Variants in APBB2 observed in about 807,000 individuals in gnomAD.
APBB2 encodes amyloid beta precursor protein binding family B member 2, also known as Fe65-like 1.
A neutral mutation model predicts 82.5 loss-of-function variants in APBB2; 38 were observed. The observed-to-expected ratio is 0.46, with a 90% CI of 0.36 to 0.60. APBB2 has a LOEUF of 0.60. APBB2 is among the 20% of genes least tolerant of loss of function. APBB2 has a pLI of 0.00. For missense variants in APBB2, 772 were observed against 972.3 expected (o/e 0.79, Z 2.74); for synonymous variants, 341 against 368.2 (o/e 0.93, Z 0.85).
intron 12 of APBB2, among the ~76,000 whole-genome samples, chr4:40,863,022 A>G (rs1370367367): frequency 6.6e-6 from 1 of 152,162 alleles, no homozygotes; most frequent in African/African-American, 2.4e-5. Flanking sequence ...TTTCCAGAGA[A>G]GGGGACTGGT....
At chr4:41,024,732 T>C in intron 5 of APBB2, among the ~76,000 whole-genome samples, 1 of 152,224 alleles carries the variant, frequency 6.6e-6, no homozygotes. Flanking sequence ...ACTTGAGTAT[T>C]CTGTTTTTAT....
At chr4:40,830,413 C>G (rs780502458) in intron 13 of APBB2, 50 bp downstream of exon 13, 1 of 1,317,370 alleles carries the variant, frequency 7.6e-7, no homozygotes, top group Non-Finnish European at 1.1e-6. Context: ...TCCTTTTATG[C>G]AGCAAGAAAA....
intron 4 of APBB2, among the ~76,000 whole-genome samples, chr4:41,043,834 C>T (rs1722406784): frequency 6.6e-6 from 1 of 152,072 alleles, no homozygotes; most frequent in African/African-American, 2.4e-5. Context: ...TTTTCTTTTC[C>T]TTACAACTTA....
chr4:41,163,150 G>A (rs1324924532), intron 1 of APBB2, among the ~76,000 whole-genome samples: 1 of 152,240 alleles, frequency 6.6e-6, no homozygotes, highest in Non-Finnish European at 1.5e-5. Context: ...ATAGAGGACA[G>A]CTTGGGTAAT....
At chr4:40,975,498 C>T (rs1250299082) in intron 6 of APBB2, among the ~76,000 whole-genome samples, 6 of 152,126 alleles carry the variant, frequency 3.9e-5, no homozygotes, top group African/African-American at 1.2e-4. Flanking sequence ...AGAATTTCAG[C>T]TCCTTGAGGC....
chr4:40,813,032 C>G lies in APBB2; in HGVS notation c.*3060G>C, dbSNP rs1025018999. The G allele has an allele frequency of 6.6e-6, 1 of 152,208 alleles. No homozygotes were observed. The highest frequency in any genetic ancestry group is 6.5e-5 in the Admixed American group (1 of 15,274). The allele number at this position is 152,208 out of a possible 1,614,324, so 9.4% of individuals were successfully genotyped here. On this transcript the variant is annotated 3_prime_UTR_variant, in exon 18 of 18. Coordinates refer to ENST00000508593, the MANE Select transcript of APBB2 (RefSeq NM_004307.2). ...GCCATAGGCATGTTGGCTAGTCGTT[C>G]CCCTTGATGTTGCCAAGGAGCAGAT...
intron 1 of APBB2, among the ~76,000 whole-genome samples, chr4:41,180,365 G>A (rs1465204473): frequency 6.6e-6 from 1 of 152,208 alleles, no homozygotes; most frequent in Non-Finnish European, 1.5e-5. Context: ...AGCCCCATGG[G>A]AGGGGGAGAC....
intron 4 of APBB2, among the ~76,000 whole-genome samples, chr4:41,052,830 G>C (rs1026522443): frequency 1.1e-4 from 17 of 150,040 alleles, no homozygotes; most frequent in African/African-American, 3.7e-4. Context: ...GCAGTGGCGT[G>C]ATCTCGGCTT....
chr4:40,932,621 C>A (rs747573959), intron 10 of APBB2, among the ~76,000 whole-genome samples: 8 of 152,174 alleles, frequency 5.3e-5, no homozygotes, highest in Non-Finnish European at 1.2e-4. Flanking sequence ...TGGGAAGATT[C>A]TTTCTCTCTC....
chr4:41,054,291 T>A (rs1374389892), intron 4 of APBB2, among the ~76,000 whole-genome samples: 2 of 152,140 alleles, frequency 1.3e-5, no homozygotes, highest in Admixed American at 6.5e-5. Context: ...CTCACTCCCA[T>A]CCCAGTGGAC....
At chr4:41,157,683 T>C (rs190603482) in intron 1 of APBB2, among the ~76,000 whole-genome samples, 5 of 152,322 alleles carry the variant, frequency 3.3e-5, no homozygotes, top group Non-Finnish European at 5.9e-5. Context: ...CAAATTTCCA[T>C]GGCTCTTAGC....
Position 41,176,439 on chromosome 4 carries a change from C to T in APBB2, c.-416-33297G>A, listed in dbSNP as rs1437340908. On this transcript the variant is annotated intron_variant, in intron 1 of 17. Coordinates refer to ENST00000508593, the MANE Select transcript of APBB2 (RefSeq NM_004307.2). ...AGAGGACAAGCTGGGTTACATTAGA[C>T]AGAAAGCATACTTCCAGCTTCTTCC... 3.3e-5 allele frequency among the ~76,000 whole-genome samples: 5 copies of T among 152,146 alleles called. No individual in the cohort carries two copies. The East Asian group carries it at 9.6e-4, about 29-fold the overall frequency.
chr4:40,846,862 T>A (rs917247693), intron 12 of APBB2, among the ~76,000 whole-genome samples: 12 of 152,146 alleles, frequency 7.9e-5, no homozygotes, highest in Non-Finnish European at 1.3e-4. Context: ...GAAACGAGTA[T>A]TTTTAAAAGT....
intron 2 of APBB2, among the ~76,000 whole-genome samples, chr4:41,104,105 C>T (rs1157255249): frequency 6.6e-6 from 1 of 152,120 alleles, no homozygotes. Context: ...GATAAAGCTC[C>T]TTTCAAACAA....
chr4:41,165,439 C>T (rs944549435), intron 1 of APBB2, among the ~76,000 whole-genome samples: 3 of 152,172 alleles, frequency 2.0e-5, no homozygotes, highest in Non-Finnish European at 4.4e-5. Flanking sequence ...CTAGGTTACC[C>T]ATGTAACCAA....
intron 6 of APBB2, among the ~76,000 whole-genome samples, chr4:40,957,939 A>C (rs1441603956): frequency 6.6e-6 from 1 of 152,198 alleles, no homozygotes; most frequent in Non-Finnish European, 1.5e-5. Context: ...AGGTTGGTAG[A>C]AGATAAAAGT....
intron 4 of APBB2, among the ~76,000 whole-genome samples, chr4:41,051,430 T>C (rs1454299534): frequency 6.6e-6 from 1 of 152,162 alleles, no homozygotes; most frequent in African/African-American, 2.4e-5. Flanking sequence ...GGTCACAAAG[T>C]AGGAAAACAG....
intron 6 of APBB2, among the ~76,000 whole-genome samples, chr4:40,997,442 C>T (rs1803931126): frequency 6.6e-6 from 1 of 152,234 alleles, no homozygotes. Flanking sequence ...ATAAGCATCA[C>T]TCATGTTTCA....
chr4:40,960,889 G>T (rs555857974), intron 6 of APBB2, among the ~76,000 whole-genome samples: 38 of 151,992 alleles, frequency 2.5e-4, no homozygotes, highest in Middle Eastern at 3.4e-3. Context: ...GCTAGGTGTG[G>T]CCATGCAAGT....
Sources: allele counts gnomAD v4.1 joint callset (sites outside exome capture counted in the v4.1 genomes callset), GRCh38; gene constraint gnomAD v4.1.1; transcripts MANE v1.5; gene names NCBI Gene and HGNC (gene_info 2026-07-23, HGNC 2026-07-21).